MICU2: variants seen among roughly 807,000 people sequenced by gnomAD.
MICU2 encodes mitochondrial calcium uptake 2.
MICU2 carries 64 observed loss-of-function variants against 60.4 expected under a neutral mutation model. The observed-to-expected ratio is 1.06, with a 90% CI of 0.87 to 1.31. MICU2 has a LOEUF of 1.31. Among genes scored for constraint, MICU2 ranks in the 50% most tolerant of loss-of-function variants. The pLI, the probability that MICU2 is intolerant of heterozygous loss-of-function variation, is 0.00. For missense variants in MICU2, 569 were observed against 531.0 expected (o/e 1.07, Z -0.70); for synonymous variants, 201 against 175.0 (o/e 1.15, Z -1.17).
intron 1 of MICU2, among the ~76,000 whole-genome samples, chr13:21,569,826 A>C (rs542780783): frequency 1.6e-4 from 24 of 151,968 alleles, no homozygotes; most frequent in East Asian, 1.2e-3. Context: ...TACAAAAAAA[A>C]AAAACAAAAC....
intron 1 of MICU2, among the ~76,000 whole-genome samples, chr13:21,575,796 G>GGT (rs990120739): frequency 2.7e-5 from 4 of 146,526 alleles, no homozygotes; most frequent in Non-Finnish European, 6.0e-5. Context: ...CTCCCACCAA[G>GGT]GTATCATCAA....
chr13:21,603,590 G>A (rs554607890), intron 1 of MICU2: 5 of 340,770 alleles, frequency 1.5e-5, no homozygotes, highest in East Asian at 6.2e-5. Context: ...GGTAGCAAGA[G>A]GCGAGGCGCA....
intron 2 of MICU2, chr13:21,551,446 T>A (rs1669133840): frequency 6.6e-6 from 1 of 152,162 alleles, no homozygotes. Context: ...ATTTTTAAAT[T>A]ATTTTTATAC....
At chr13:21,578,205 C>A (rs1888270124) in intron 1 of MICU2, among the ~76,000 whole-genome samples, 2 of 152,168 alleles carry the variant, frequency 1.3e-5, no homozygotes, top group South Asian at 4.1e-4. Flanking sequence ...TATTCTGTAT[C>A]CCCAGTGCCT....
chr13:21,603,647 AT>A, intron 1 of MICU2: 1 of 501,728 alleles, frequency 2.0e-6, no homozygotes, highest in Non-Finnish European at 3.5e-6. Context: ...GCCCACACTC[AT>A]CACCACTAAA....
intron 2 of MICU2, among the ~76,000 whole-genome samples, chr13:21,548,671 G>C (rs1394702476): frequency 6.6e-6 from 1 of 152,156 alleles, no homozygotes; most frequent in Non-Finnish European, 1.5e-5. Flanking sequence ...GGTCCTGTTT[G>C]ACTCCAATAA....
chr13:21,511,786 T>C (rs961235241), intron 7 of MICU2, among the ~76,000 whole-genome samples: 2 of 152,120 alleles, frequency 1.3e-5, no homozygotes, highest in African/African-American at 2.4e-5. Context: ...AATAGAATCA[T>C]ACAGTTTGTA....
chr13:21,517,795 ACACACGCG>A (rs140892244), intron 6 of MICU2, among the ~76,000 whole-genome samples: 21,910 of 118,286 alleles, frequency 0.19, 1,811 homozygotes, highest in Middle Eastern at 0.26. Context: ...ACACACACAC[ACACACGCG>A]CGCGCGCGCG....
chr13:21,499,989 T>A (rs747157011), intron 9 of MICU2, among the ~76,000 whole-genome samples: 120 of 152,290 alleles, frequency 7.9e-4, no homozygotes, highest in Admixed American at 1.7e-3. Context: ...ACAGCTTTGC[T>A]TACTGTCCAG....
chr13:21,517,793 A>ACGCGCGCGCGCGCGCG (rs1467904920), intron 6 of MICU2, among the ~76,000 whole-genome samples: 1 of 97,182 alleles, frequency 1.0e-5, no homozygotes, highest in East Asian at 2.3e-4. Flanking sequence ...ACACACACAC[A>ACGCGCGCGCGCGCGCG]CACACACGCG....
chr13:21,506,555 C>T (rs1439853688), intron 8 of MICU2, among the ~76,000 whole-genome samples: 1 of 152,206 alleles, frequency 6.6e-6, no homozygotes, highest in African/African-American at 2.4e-5. Flanking sequence ...TTCATTTTCA[C>T]TCTCTTTTCT....
chr13:21,566,743 T>C, intron 2 of MICU2, 54 bp downstream of exon 2: 5 of 1,447,776 alleles, frequency 3.5e-6, no homozygotes, highest in Non-Finnish European at 4.6e-6. Context: ...AAAACAGGTT[T>C]TTCAGCCCTG....
chr13:21,562,605 C>A (rs1354285154), intron 2 of MICU2, among the ~76,000 whole-genome samples: 1 of 152,130 alleles, frequency 6.6e-6, no homozygotes. Context: ...TAATCTAAGT[C>A]CACTTTCAAA....
At chr13:21,512,526 C>T (rs1018658132) in intron 7 of MICU2, among the ~76,000 whole-genome samples, 4 of 148,978 alleles carry the variant, frequency 2.7e-5, no homozygotes, top group East Asian at 4.1e-4. Context: ...CGGCTCCCTG[C>T]GAGCTCCGCC....
At chr13:21,554,977 T>C (rs1389448053) in intron 2 of MICU2, among the ~76,000 whole-genome samples, 10 of 152,080 alleles carry the variant, frequency 6.6e-5, no homozygotes, top group South Asian at 2.1e-4. Flanking sequence ...CAGGAAGAAG[T>C]TGAATCTCTG....
chr13:21,580,732 C>G (rs1188456251), intron 1 of MICU2, among the ~76,000 whole-genome samples: 1 of 151,946 alleles, frequency 6.6e-6, no homozygotes, highest in Non-Finnish European at 1.5e-5. Context: ...ATGTAAGTAA[C>G]AAATATTATT....
intron 1 of MICU2, among the ~76,000 whole-genome samples, chr13:21,585,964 T>C (rs903910895): frequency 2.6e-5 from 4 of 152,216 alleles, no homozygotes; most frequent in Non-Finnish European, 4.4e-5. Flanking sequence ...ATATTACTTG[T>C]ATTAAACTCA....
chr13:21,502,868 A>C, intron 9 of MICU2, 58 bp downstream of exon 9: 2 of 1,493,772 alleles, frequency 1.3e-6, no homozygotes, highest in Non-Finnish European at 1.8e-6. Flanking sequence ...ACTTTATGTA[A>C]ACATGTCTAA....
intron 1 of MICU2, chr13:21,603,603 GA>G (rs1309774794): frequency 2.8e-6 from 1 of 363,470 alleles, no homozygotes; most frequent in African/African-American, 2.2e-5. Context: ...GAGGCGCAGT[GA>G]GATTCTGAAT....
Sources: allele counts gnomAD v4.1 joint callset (sites outside exome capture counted in the v4.1 genomes callset), GRCh38; gene constraint gnomAD v4.1.1; transcripts MANE v1.5; gene names NCBI Gene and HGNC (gene_info 2026-07-23, HGNC 2026-07-21).